The following IL1RAPL1 variants were observed in gnomAD, a reference collection of about 807,000 sequenced individuals.
The protein encoded by IL1RAPL1 is interleukin 1 receptor accessory protein like 1.
A neutral mutation model predicts 48.4 loss-of-function variants in IL1RAPL1; 3 were observed. The ratio of observed to expected loss-of-function variants is 0.06; its 90% CI spans 0.03 to 0.16. IL1RAPL1 has a LOEUF of 0.16. IL1RAPL1 is among the 10% of genes least tolerant of loss of function. The pLI is 1.00. For synonymous variants in IL1RAPL1, 185 were observed against 187.7 expected (o/e 0.99, Z 0.12); for missense variants, 349 against 530.6 (o/e 0.66, Z 3.36).
chrX:28,604,656 G>A (rs1012090935), intron 1 of IL1RAPL1, among the ~76,000 whole-genome samples: 5 of 104,605 alleles, frequency 4.8e-5, no homozygotes, highest in Non-Finnish European at 7.8e-5. Flanking sequence ...GAACCCGGGA[G>A]GCGGAGGTTG....
At chrX:29,861,839 T>C (rs182207316) in intron 6 of IL1RAPL1, among the ~76,000 whole-genome samples, 1 of 111,846 alleles carries the variant, frequency 8.9e-6, no homozygotes, top group African/African-American at 3.2e-5. Context: ...TGATATTTCT[T>C]CTTTTAATCT....
chrX:29,596,933 A>G lies in IL1RAPL1; in HGVS notation c.704-71497A>G, dbSNP rs1923568035. Among the ~76,000 whole-genome samples, 9 of 111,411 alleles carry G rather than the reference A, an allele frequency of 8.1e-5. No homozygotes were observed. The Admixed American group carries it at 8.6e-4, about 11-fold the overall frequency. Reference sequence around the variant, plus strand: ...TATGCTGATTTTGCTGAGAGTTTTAATAATAAAGGGATGATGGATTTTGTT... The same window carrying G: ...TATGCTGATTTTGCTGAGAGTTTTAGTAATAAAGGGATGATGGATTTTGTT... On this transcript the variant is annotated intron_variant, in intron 5 of 10. Coordinates refer to ENST00000378993, the MANE Select transcript of IL1RAPL1 (RefSeq NM_014271.4).
chrX:29,559,255 A>G (rs1224666385), intron 5 of IL1RAPL1, among the ~76,000 whole-genome samples: 1 of 111,871 alleles, frequency 8.9e-6, no homozygotes, highest in Non-Finnish European at 1.9e-5. Flanking sequence ...ATCTATGTTC[A>G]TTAGGAATTT....
At chrX:28,720,898 G>A (rs1935566939) in intron 1 of IL1RAPL1, among the ~76,000 whole-genome samples, 1 of 111,528 alleles carries the variant, frequency 9.0e-6, no homozygotes, top group Non-Finnish European at 1.9e-5. Flanking sequence ...ATGGTTTCCA[G>A]CTTCATCCAT....
At chrX:29,168,935 A>ATATTCATATGTACAATTTATG (rs1929857233) in intron 2 of IL1RAPL1, among the ~76,000 whole-genome samples, 7 of 79,238 alleles carry the variant, frequency 8.8e-5, no homozygotes, top group African/African-American at 3.0e-4. Flanking sequence ...AATTGTATAT[A>ATATTCATATGTACAATTTATG]TATATTCATA....
intron 2 of IL1RAPL1, among the ~76,000 whole-genome samples, chrX:28,804,364 C>G (rs1000507182): frequency 1.8e-5 from 2 of 111,798 alleles, no homozygotes; most frequent in Admixed American, 9.5e-5. Flanking sequence ...TAGTATATTA[C>G]TTTCCTATTG....
chrX:29,481,598 T>G (rs1355380461), intron 5 of IL1RAPL1, among the ~76,000 whole-genome samples: 1 of 111,256 alleles, frequency 9.0e-6, no homozygotes, highest in African/African-American at 3.3e-5. Context: ...GATCTAGAGG[T>G]GTTCTGAGGG....
intron 1 of IL1RAPL1, among the ~76,000 whole-genome samples, chrX:28,777,730 A>G (rs941274011): frequency 1.8e-5 from 2 of 110,967 alleles, no homozygotes; most frequent in African/African-American, 6.5e-5. Context: ...AATAGTGATT[A>G]AACTTGTGAT....
At chrX:29,101,217 A>G (rs1013519266) in intron 2 of IL1RAPL1, among the ~76,000 whole-genome samples, 1 of 112,391 alleles carries the variant, frequency 8.9e-6, no homozygotes, top group East Asian at 2.8e-4. Context: ...AGAGGCTACT[A>G]TGAGCAACTA....
rs139869263 is a variant in IL1RAPL1, at chrX:29,413,217, T to G, written c.703+13909T>G. Among the ~76,000 whole-genome samples, 989 of 111,997 alleles carry G rather than the reference T, an allele frequency of 8.8e-3. 10 individuals carry two copies. The highest frequency in any genetic ancestry group is 0.03 in the African/African-American group (940 of 30,837). On this transcript the variant is annotated intron_variant, in intron 5 of 10. Transcript: ENST00000378993. ...CTCTTCCTTCATCTTCTGCCATGAT[T>G]TCCCAGCCATGTGGAACTGTGAGTC... is the stretch of plus-strand genomic sequence containing the variant.
chrX:29,474,237 T>A (rs1934950939), intron 5 of IL1RAPL1, among the ~76,000 whole-genome samples: 1 of 112,151 alleles, frequency 8.9e-6, no homozygotes, highest in African/African-American at 3.2e-5. Flanking sequence ...CCTGAACCTA[T>A]GTGTGTTGGC....
intron 2 of IL1RAPL1, among the ~76,000 whole-genome samples, chrX:28,943,543 CA>C (rs1456509481): frequency 1.8e-5 from 2 of 108,989 alleles, no homozygotes; most frequent in African/African-American, 6.6e-5. Flanking sequence ...GGATACGTAA[CA>C]TTTTTTTTTT....
At chrX:29,709,360 G>A (rs1927280575) in intron 6 of IL1RAPL1, among the ~76,000 whole-genome samples, 1 of 111,543 alleles carries the variant, frequency 9.0e-6, no homozygotes. Context: ...TCTTCTACAT[G>A]TGGATATCCA....
At chrX:28,802,913 C>T (rs1331013538) in intron 2 of IL1RAPL1, among the ~76,000 whole-genome samples, 5 of 111,316 alleles carry the variant, frequency 4.5e-5, no homozygotes, top group Non-Finnish European at 9.4e-5. Context: ...AATTATTGCT[C>T]AGTGATTATT....
intron 2 of IL1RAPL1, among the ~76,000 whole-genome samples, chrX:29,154,744 A>C (rs188058206): frequency 8.9e-6 from 1 of 111,947 alleles, no homozygotes; most frequent in East Asian, 2.8e-4. Flanking sequence ...GTTTATTATG[A>C]AGTTCGTGGT....
intron 8 of IL1RAPL1, among the ~76,000 whole-genome samples, chrX:29,940,394 T>C (rs188682112): frequency 1.1e-3 from 118 of 112,211 alleles, no homozygotes; most frequent in African/African-American, 3.6e-3. Flanking sequence ...GTTCTCAGTC[T>C]AAGCTTACAT....
intron 2 of IL1RAPL1, among the ~76,000 whole-genome samples, chrX:29,051,589 C>T (rs761223350): frequency 3.6e-5 from 4 of 112,297 alleles, no homozygotes; most frequent in Non-Finnish European, 7.5e-5. Flanking sequence ...CTGGGGATCA[C>T]GTAGCAAGTG....
intron 2 of IL1RAPL1, among the ~76,000 whole-genome samples, chrX:28,917,420 T>G (rs1035578861): frequency 2.7e-5 from 3 of 111,911 alleles, no homozygotes; most frequent in Non-Finnish European, 5.6e-5. Context: ...ACACGCAATT[T>G]GTGACATTTT....
chrX:28,681,051 G>A (rs758707403), intron 1 of IL1RAPL1, among the ~76,000 whole-genome samples: 12 of 111,385 alleles, frequency 1.1e-4, no homozygotes, highest in South Asian at 3.7e-4. Context: ...GGGCTTTTCT[G>A]TTGTTGTTGG....
Sources: gnomAD v4.1 joint callset for allele counts (sites outside exome capture counted in the v4.1 genomes callset) on GRCh38, gnomAD v4.1.1 for gene constraint, MANE v1.5 for transcripts, NCBI Gene and HGNC (gene_info 2026-07-23, HGNC 2026-07-21) for gene names.